Variants in SLC44A3 observed in about 807,000 individuals in gnomAD.
The protein encoded by SLC44A3 is choline transporter-like protein 3.
SLC44A3 carries 74 observed loss-of-function variants against 75.4 expected under a neutral mutation model. The observed-to-expected ratio is 0.98, with a 90% CI of 0.81 to 1.19. SLC44A3 has a LOEUF of 1.19. Among genes scored for constraint, SLC44A3 ranks in the 50% most tolerant of loss-of-function variants. The pLI is 0.00. For synonymous variants in SLC44A3, 310 were observed against 296.9 expected, an observed-to-expected ratio of 1.04 and a Z score of -0.45; for missense variants, 700 against 778.6, an observed-to-expected ratio of 0.90 and a Z score of 1.20.
Position 94,891,399 on chromosome 1 carries a change from ATCC to A in SLC44A3, c.1620+135_1620+137del, listed in dbSNP as rs1650558863. On this transcript the variant is annotated intron_variant, in intron 13 of 14. Coordinates refer to ENST00000271227, the MANE Select transcript of SLC44A3 (RefSeq NM_001114106.3). ...GTGCTGTGCTTCATTATCTCATTTA[ATCC>A]TCAATCCCATGAGGTATCCCTACTT... 3 of 958,800 alleles carry A rather than the reference ATCC, an allele frequency of 3.1e-6. No individual in the cohort carries two copies. The African/African-American group carries it at 4.9e-5, about 16-fold the overall frequency. 59.4% of individuals were successfully genotyped at this position (958,800 alleles called of 1,614,324 possible). A position where few individuals can be genotyped will look rare whatever the true frequency, so the allele number is the denominator to read the frequency against.
chr1:94,876,891 T>C (rs1044846399), intron 12 of SLC44A3, among the ~76,000 whole-genome samples: 1 of 152,182 alleles, frequency 6.6e-6, no homozygotes, highest in African/African-American at 2.4e-5. Flanking sequence ...TTAACAGATA[T>C]AGGTTGCCCT....
chr1:94,857,568 TCAAA>T, intron 10 of SLC44A3, 68 bp downstream of exon 10: 2 of 1,432,036 alleles, frequency 1.4e-6, no homozygotes, highest in Non-Finnish European at 1.9e-6. Context: ...TGTTAATATC[TCAAA>T]AGATATTTGG....
At chr1:94,883,592 A>G (rs141666781) in intron 12 of SLC44A3, among the ~76,000 whole-genome samples, 1 of 152,366 alleles carries the variant, frequency 6.6e-6, no homozygotes, top group African/African-American at 2.4e-5. Context: ...TGACAAAGTC[A>G]GAATAATGAA....
At chr1:94,841,076 C>T (rs1663566259) in intron 7 of SLC44A3, among the ~76,000 whole-genome samples, 1 of 152,194 alleles carries the variant, frequency 6.6e-6, no homozygotes, top group Non-Finnish European at 1.5e-5. Context: ...GTAGAGCCTA[C>T]TACACACCCA....
In SLC44A3 at chr1:94,880,124, A is replaced by G. The variant is rs147040252; in HGVS notation, c.1483-11006A>G. Among the ~76,000 whole-genome samples the G allele has an allele frequency of 1.1e-3, 160 of 152,298 alleles. No individual in the cohort carries two copies. The East Asian group carries it at 0.029, about 27-fold the overall frequency. On this transcript the variant is annotated intron_variant, in intron 12 of 14. Coordinates refer to ENST00000271227, the MANE Select transcript of SLC44A3 (RefSeq NM_001114106.3). The stretch of plus-strand genomic sequence containing the variant: ...AAACAGTATGGAGTTTCCTCAAAAA[A>G]TTAAAAATGGGTCTATAATACTATA...
chr1:94,832,603 G>C (rs1662268673), intron 5 of SLC44A3, among the ~76,000 whole-genome samples: 1 of 152,126 alleles, frequency 6.6e-6, no homozygotes, highest in African/African-American at 2.4e-5. Context: ...AATTCCCAAG[G>C]CTTCTCTGGT....
In SLC44A3 at chr1:94,860,893, A is replaced by G. The variant is rs11803359; in HGVS notation, c.1238+3393A>G. Among the ~76,000 whole-genome samples, 1,275 of 152,346 alleles carry G rather than the reference A, an allele frequency of 8.4e-3. 16 individuals carry two copies. The highest frequency in any genetic ancestry group is 0.029 in the African/African-American group (1,208 of 41,572). On this transcript the variant is annotated intron_variant, in intron 10 of 14. Transcript: ENST00000271227. Reference sequence around the variant, plus strand: ...GGAATTCCCAGGAGGGTAGCTGCGCAGCAGGCGTGGAAAGCGTCCAGTCCA... The same window carrying G: ...GGAATTCCCAGGAGGGTAGCTGCGCGGCAGGCGTGGAAAGCGTCCAGTCCA...
chr1:94,894,110 A>C (rs923813491), intron 14 of SLC44A3, among the ~76,000 whole-genome samples: 11 of 151,792 alleles, frequency 7.2e-5, no homozygotes, highest in Admixed American at 3.3e-4. Context: ...CCTCCCCCCC[A>C]AAAAAAATCC....
rs1190729917 is a variant in SLC44A3 at position 94,857,463 on chromosome 1, A to T, written c.1201A>T (p.Thr401Ser). Residue 401 changes from threonine to serine, a missense_variant, in exon 10 of 15, where the codon ACT becomes TCT. Thr to Ser is a moderately conservative substitution (Grantham distance 58). Coordinates refer to ENST00000271227, the MANE Select transcript of SLC44A3 (RefSeq NM_001114106.3). ...ATTCATCCTTGCGTGCCAGCAAATG[A>T]CTATAGCTGGGGCAGTGGTTACTTG... Reference protein sequence around the residue: ...SEFILACQQMTIAGAVVTCYF... With the variant: ...SEFILACQQMSIAGAVVTCYF... 6.2e-7 allele frequency: 1 copy of T among 1,613,548 alleles called. No homozygotes were observed. The highest frequency in any genetic ancestry group is 1.1e-5 in the South Asian group (1 of 90,930).
chr1:94,866,737 G>A (rs1001765251), intron 11 of SLC44A3, among the ~76,000 whole-genome samples: 9 of 152,052 alleles, frequency 5.9e-5, no homozygotes, highest in Admixed American at 3.3e-4. Flanking sequence ...GGATGCCTCC[G>A]AGCACCCTTC....
chr1:94,824,833 A>G (rs1381331216), intron 3 of SLC44A3, among the ~76,000 whole-genome samples, 198 bp downstream of exon 3: 1 of 152,220 alleles, frequency 6.6e-6, no homozygotes, highest in Non-Finnish European at 1.5e-5. Flanking sequence ...AGCCCATGCT[A>G]CTTTTCAGCT....
intron 4 of SLC44A3, among the ~76,000 whole-genome samples, 179 bp downstream of exon 4, chr1:94,827,822 A>T (rs896964474): frequency 4.0e-5 from 6 of 151,652 alleles, no homozygotes; most frequent in Admixed American, 6.6e-5. Flanking sequence ...TGTTCAGGTT[A>T]TTTTTTTTCT....
chr1:94,850,253 T>C (rs1291777675), intron 9 of SLC44A3, among the ~76,000 whole-genome samples: 1 of 152,156 alleles, frequency 6.6e-6, no homozygotes, highest in Non-Finnish European at 1.5e-5. Flanking sequence ...CAATGACATT[T>C]AGTAGTCCAT....
At chr1:94,852,413 A>G (rs973752405) in intron 9 of SLC44A3, among the ~76,000 whole-genome samples, 3 of 152,194 alleles carry the variant, frequency 2.0e-5, no homozygotes, top group Admixed American at 1.3e-4. Flanking sequence ...AAGCAAGGGG[A>G]AACATCCCAG....
intron 5 of SLC44A3, among the ~76,000 whole-genome samples, chr1:94,829,073 T>G (rs1346341283): frequency 2.6e-5 from 4 of 152,082 alleles, no homozygotes; most frequent in African/African-American, 9.7e-5. Flanking sequence ...TCCCCATCTC[T>G]AAATATACAA....
intron 5 of SLC44A3, among the ~76,000 whole-genome samples, chr1:94,832,087 GA>G (rs1464343028): frequency 6.6e-6 from 1 of 152,088 alleles, no homozygotes; most frequent in Non-Finnish European, 1.5e-5. Context: ...AGAATAACTT[GA>G]ACCTGGGAGG....
chr1:94,845,084 T>C (rs58484675), intron 8 of SLC44A3, among the ~76,000 whole-genome samples, 194 bp from the exon 9 acceptor site: 2,670 of 152,312 alleles, frequency 0.018, 70 homozygotes, highest in African/African-American at 0.058. Context: ...TATTAAGATC[T>C]ATTCCAGGGA....
chr1:94,820,642 C>A, intron 1 of SLC44A3, 164 bp downstream of exon 1: 1 of 1,382,120 alleles, frequency 7.2e-7, no homozygotes, highest in East Asian at 2.8e-5. Flanking sequence ...GAACCTGGAC[C>A]CTGCTCCAGT....
intron 9 of SLC44A3, among the ~76,000 whole-genome samples, chr1:94,856,091 A>G (rs1439259515): frequency 6.6e-6 from 1 of 152,214 alleles, no homozygotes; most frequent in African/African-American, 2.4e-5. Flanking sequence ...AAAAGAAAGC[A>G]GGGTATAGCC....
Sources: gnomAD v4.1 joint callset for allele counts (sites outside exome capture counted in the v4.1 genomes callset) on GRCh38, gnomAD v4.1.1 for gene constraint, MANE v1.5 for transcripts, NCBI Gene and HGNC (gene_info 2026-07-23, HGNC 2026-07-21) for gene names.